Variants in GMEB2 observed in about 807,000 individuals in gnomAD.
GMEB2 encodes the protein glucocorticoid modulatory element-binding protein 2.
GMEB2 carries 7 observed loss-of-function variants against 45.7 expected under a neutral mutation model. That is an observed-to-expected ratio of 0.15 (90% CI 0.09 to 0.29). GMEB2 has a LOEUF of 0.29. GMEB2 is among the 10% of genes least tolerant of loss of function. GMEB2 has a pLI of 1.00. For synonymous variants in GMEB2, 322 were observed against 323.6 expected, an observed-to-expected ratio of 1.00 and a Z score of 0.05; for missense variants, 582 against 739.2, an observed-to-expected ratio of 0.79 and a Z score of 2.47.
intron 2 of GMEB2, among the ~76,000 whole-genome samples, chr20:63,611,645 T>C (rs899205473): frequency 2.0e-5 from 3 of 150,824 alleles, no homozygotes; most frequent in African/African-American, 7.3e-5. Flanking sequence ...ATCTGACTAG[T>C]GTGATCTCGC....
chr20:63,615,892 G>A (rs1343131589), intron 2 of GMEB2, among the ~76,000 whole-genome samples: 1 of 152,048 alleles, frequency 6.6e-6, no homozygotes, highest in Non-Finnish European at 1.5e-5. Flanking sequence ...AAAGGTTTAA[G>A]GAAAGAAAAA....
intron 2 of GMEB2, among the ~76,000 whole-genome samples, chr20:63,609,891 C>A (rs1475152276): frequency 7.3e-5 from 11 of 149,814 alleles, no homozygotes; most frequent in Non-Finnish European, 1.5e-4. Flanking sequence ...CCCCTCTGAC[C>A]CACACATCCA....
At chr20:63,625,330 G>A (rs1408336114) in intron 1 of GMEB2, among the ~76,000 whole-genome samples, 1 of 151,010 alleles carries the variant, frequency 6.6e-6, no homozygotes, top group Non-Finnish European at 1.5e-5. Flanking sequence ...CACCCAACAC[G>A]CCTAGCTAAT....
chr20:63,622,710 C>T (rs920575785), intron 1 of GMEB2, among the ~76,000 whole-genome samples: 1 of 152,204 alleles, frequency 6.6e-6, no homozygotes, highest in South Asian at 2.1e-4. Flanking sequence ...GGCCACCAAT[C>T]GCAAATGGCA....
chr20:63,609,303 T>C (rs868425371), intron 2 of GMEB2, among the ~76,000 whole-genome samples: 6 of 38,976 alleles, frequency 1.5e-4, no homozygotes, highest in African/African-American at 2.1e-4. Context: ...TAGAAACATG[T>C]CCCTCTGACT....
At chr20:63,623,567 G>A (rs768074286) in intron 1 of GMEB2, among the ~76,000 whole-genome samples, 4 of 152,048 alleles carry the variant, frequency 2.6e-5, no homozygotes, top group African/African-American at 7.2e-5. Context: ...GGGAGGCCGC[G>A]GCGGGTGGAT....
At chr20:63,597,914 GC>G in intron 4 of GMEB2, 54 bp from the exon 5 acceptor site, 1 of 1,030,836 alleles carries the variant, frequency 9.7e-7, no homozygotes, top group Non-Finnish European at 1.5e-6. Context: ...CACATAGGGT[GC>G]CCCCATCTCC....
intron 2 of GMEB2, among the ~76,000 whole-genome samples, chr20:63,618,508 C>T (rs1320297829): frequency 6.6e-6 from 1 of 152,230 alleles, no homozygotes; most frequent in East Asian, 1.9e-4. Context: ...GTCTGACCTA[C>T]ACCGCACAGG....
chr20:63,612,274 G>A (rs778846166), intron 2 of GMEB2, among the ~76,000 whole-genome samples: 13 of 152,278 alleles, frequency 8.5e-5, no homozygotes, highest in Admixed American at 2.6e-4. Context: ...CTGGCCAAAG[G>A]GCCACCCTGC....
chr20:63,600,144 G>A (rs2083231335), intron 4 of GMEB2, among the ~76,000 whole-genome samples: 1 of 151,950 alleles, frequency 6.6e-6, no homozygotes, highest in African/African-American at 2.4e-5. Context: ...CCGGGTTCAA[G>A]AGATTCTCTT....
At chr20:63,600,901 A>G (rs1007964680) in intron 4 of GMEB2, among the ~76,000 whole-genome samples, 1 of 152,074 alleles carries the variant, frequency 6.6e-6, no homozygotes, top group African/African-American at 2.4e-5. Context: ...AGACCTGCTC[A>G]CTGCATCAGG....
rs1358475929 is a variant in GMEB2, at chr20:63,589,061, G to C, written c.*1028C>G. Reference sequence around the variant, plus strand: ...CCCAGGGGCTGCATGGGGGCCGGGGGCCAGGGAGCCAAGGGCTGTTCCGTG... The same window carrying C: ...CCCAGGGGCTGCATGGGGGCCGGGGCCCAGGGAGCCAAGGGCTGTTCCGTG... On this transcript the variant is annotated 3_prime_UTR_variant, in exon 10 of 10. Transcript: ENST00000370077. The C allele has an allele frequency of 7.5e-6, 3 of 399,032 alleles. No individual in the cohort carries two copies. Among genetic ancestry groups the C allele is most frequent in the Non-Finnish European group, 8.8e-6 (2 of 226,480 alleles). 24.7% of individuals were successfully genotyped at this position (399,032 alleles called of 1,614,324 possible).
chr20:63,626,493 CGTCCCTGTGGGGTG>C (rs1428587118), intron 1 of GMEB2, among the ~76,000 whole-genome samples: 45 of 107,672 alleles, frequency 4.2e-4, no homozygotes, highest in Admixed American at 1.2e-3. Context: ...TTGTGGGTCG[CGTCCCTGTGGGGTG>C]GTCCCTGTGG....
At chr20:63,605,021 T>G (rs1425610516) in intron 2 of GMEB2, 181 bp from the exon 3 acceptor site, 2 of 517,150 alleles carry the variant, frequency 3.9e-6, no homozygotes, top group African/African-American at 2.2e-5. Context: ...GAGGCTGAGG[T>G]GGGAGGGTCA....
intron 2 of GMEB2, among the ~76,000 whole-genome samples, chr20:63,611,027 CCAG>C: frequency 6.6e-6 from 1 of 152,204 alleles, no homozygotes; most frequent in East Asian, 1.9e-4. Context: ...CCGGCGAGGC[CCAG>C]CAGCACCAGC....
At chr20:63,599,461 T>G (rs939840186) in intron 4 of GMEB2, among the ~76,000 whole-genome samples, 2 of 152,214 alleles carry the variant, frequency 1.3e-5, no homozygotes, top group Admixed American at 6.5e-5. Context: ...GGTGGCAAAC[T>G]CGTGTCTTTT....
rs996555433 is a variant in GMEB2, at chr20:63,588,717, G to A, written c.*1372C>T. ...ACCCTCGCATTGCGGGGCCTCAGAC[G>A]GGCCTTCAACTGCCGACAGAATCAG... On this transcript the variant is annotated 3_prime_UTR_variant, in exon 10 of 10. Coordinates refer to ENST00000370077, the MANE Select transcript of GMEB2 (RefSeq NM_012384.5). 1.8e-5 allele frequency: 7 copies of A among 398,540 alleles called. No individual in the cohort carries two copies. The highest frequency in any genetic ancestry group is 7.1e-5 in the East Asian group (2 of 28,124). The allele number at this position is 398,540 out of a possible 1,614,324, so 24.7% of individuals were successfully genotyped here. A position where few individuals can be genotyped will look rare whatever the true frequency, so the allele number is the denominator to read the frequency against.
At chr20:63,595,854 T>A in intron 5 of GMEB2, 87 bp from the exon 6 acceptor site, 1 of 1,254,118 alleles carries the variant, frequency 8.0e-7, no homozygotes, top group Admixed American at 1.8e-5. Flanking sequence ...GCCATCCACC[T>A]GCGTGGGGCA....
intron 1 of GMEB2, among the ~76,000 whole-genome samples, chr20:63,626,297 G>C (rs1409117421): frequency 9.9e-4 from 126 of 127,614 alleles, no homozygotes; most frequent in Non-Finnish European, 2.1e-3. Flanking sequence ...GGGTGCCTGC[G>C]GGGTGGTCCC....
Sources: allele counts gnomAD v4.1 joint callset (sites outside exome capture counted in the v4.1 genomes callset), GRCh38; gene constraint gnomAD v4.1.1; transcripts MANE v1.5; gene names NCBI Gene and HGNC (gene_info 2026-07-23, HGNC 2026-07-21).